Variants in MLXIP observed in about 807,000 individuals in gnomAD.
MLXIP encodes MLX-interacting protein.
MLXIP carries 30 observed loss-of-function variants against 87.2 expected under a neutral mutation model. The observed-to-expected ratio is 0.34, with a 90% confidence interval of 0.26 to 0.47. The LOEUF is 0.47. Ranked by LOEUF, MLXIP falls within the 20% of genes least tolerant of loss-of-function variation. MLXIP has a pLI of 1.00. For missense variants in MLXIP, 1,002 were observed against 1,240.1 expected (o/e 0.81, Z 2.88); for synonymous variants, 530 against 514.0 (o/e 1.03, Z -0.42).
At chr12:122,139,345 C>A (rs1025010470) in intron 15 of MLXIP, among the ~76,000 whole-genome samples, 4 of 152,156 alleles carry the variant, frequency 2.6e-5, no homozygotes, top group Admixed American at 2.6e-4. Context: ...ACCAGGACTC[C>A]CTCCACTGAG....
rs892607574 is a variant in MLXIP at position 122,142,421 on chromosome 12, T to C, written c.*609T>C. ...TTCTTCAGAGGTCCTCCAGGACACATGTGTGCAGAAACGGTGGATGTGGAA... is the reference window on the plus strand; with the variant it reads ...TTCTTCAGAGGTCCTCCAGGACACACGTGTGCAGAAACGGTGGATGTGGAA... On this transcript the variant is annotated 3_prime_UTR_variant, in exon 17 of 17. Coordinates refer to ENST00000319080, the MANE Select transcript of MLXIP (RefSeq NM_014938.6). 8 of 443,530 alleles carry C rather than the reference T, an allele frequency of 1.8e-5. No individual in the cohort carries two copies. The highest frequency in any genetic ancestry group is 3.1e-5 in the Non-Finnish European group (7 of 226,042). The allele number at this position is 443,530 out of a possible 1,614,324, so 27.5% of individuals were successfully genotyped here. A position where few individuals can be genotyped will look rare whatever the true frequency, so the allele number is the denominator to read the frequency against.
chr12:122,123,404 G>A (rs12368309), intron 1 of MLXIP, among the ~76,000 whole-genome samples: 13,865 of 152,164 alleles, frequency 0.091, 814 homozygotes, highest in Admixed American at 0.16. Context: ...AGATATTACC[G>A]AAACTCGGGG....
chr12:122,110,170 G>A (rs1386810974), intron 1 of MLXIP, among the ~76,000 whole-genome samples: 2 of 152,172 alleles, frequency 1.3e-5, no homozygotes, highest in Non-Finnish European at 2.9e-5. Flanking sequence ...TTTAGGTTTA[G>A]GGTCAGGTAC....
chr12:122,088,538 G>A (rs1216636270), intron 1 of MLXIP, among the ~76,000 whole-genome samples: 1 of 152,186 alleles, frequency 6.6e-6, no homozygotes, highest in African/African-American at 2.4e-5. Flanking sequence ...TGGTGAGGAG[G>A]AAAGGCTGAG....
At chr12:122,115,588 C>CAAAAAAAAAAAAAAAAAAAA (rs35318582) in intron 1 of MLXIP, among the ~76,000 whole-genome samples, 1 of 110,738 alleles carries the variant, frequency 9.0e-6, no homozygotes, top group African/African-American at 4.2e-5. Context: ...AACTCCTTCT[C>CAAAAAAAAAAAAAAAAAAAA]AAAAAAAAAA....
intron 1 of MLXIP, among the ~76,000 whole-genome samples, chr12:122,104,955 T>C (rs2135932758): frequency 6.6e-6 from 1 of 152,302 alleles, no homozygotes; most frequent in South Asian, 2.1e-4. Context: ...GGCCCAGTTG[T>C]CTTGAAGTCC....
rs1953109118 is a variant in MLXIP, at chr12:122,137,251, C to A, written c.2033-218C>A. On this transcript the variant is annotated intron_variant, in intron 11 of 16. Coordinates refer to ENST00000319080, the MANE Select transcript of MLXIP (RefSeq NM_014938.6). This position sits in a 1 kb window ranked among gnomAD's most constrained non-coding sequence, Gnocchi z 4.1. Reference sequence around the variant, plus strand: ...TCACACAGGGTTGCTCCATCGTGTTCTGTGTGGATTAAGGGTGTTTTTGTT... The same window carrying A: ...TCACACAGGGTTGCTCCATCGTGTTATGTGTGGATTAAGGGTGTTTTTGTT... 2.2e-6 allele frequency: 1 copy of A among 450,572 alleles called. No individual in the cohort carries two copies. The highest frequency in any genetic ancestry group is 2.0e-5 in the African/African-American group (1 of 49,626). 27.9% of individuals were successfully genotyped at this position (450,572 alleles called of 1,614,324 possible). A position where few individuals can be genotyped will look rare whatever the true frequency, so the allele number is the denominator to read the frequency against.
At chr12:122,128,258 G>T in intron 3 of MLXIP, 1 of 344,548 alleles carries the variant, frequency 2.9e-6, no homozygotes, top group Admixed American at 4.3e-5. Flanking sequence ...CACAGGAAGT[G>T]TCTAGAGGAA....
intron 1 of MLXIP, among the ~76,000 whole-genome samples, chr12:122,094,219 T>G (rs1214838200): frequency 1.6e-5 from 2 of 123,214 alleles, no homozygotes; most frequent in African/African-American, 3.4e-5. Flanking sequence ...AGTGTGTGGG[T>G]GTGTGTATGT....
intron 1 of MLXIP, among the ~76,000 whole-genome samples, chr12:122,097,690 C>A (rs1952375600): frequency 6.6e-6 from 1 of 152,112 alleles, no homozygotes. Flanking sequence ...CCACACTGCC[C>A]ACCATCCCCC....
intron 1 of MLXIP, among the ~76,000 whole-genome samples, chr12:122,119,175 CAAACAAAACAAAACA>C (rs146505466): frequency 2.0e-5 from 3 of 151,170 alleles, no homozygotes; most frequent in Non-Finnish European, 3.0e-5. Context: ...CTCAAAAAAA[CAAACAAAACAAAACA>C]AAACAAAACA....
At chr12:122,115,587 T>C (rs28707337) in intron 1 of MLXIP, among the ~76,000 whole-genome samples, 60,271 of 92,744 alleles carry the variant, frequency 0.65, 15,468 homozygotes, top group Middle Eastern at 0.72. Flanking sequence ...AAACTCCTTC[T>C]CAAAAAAAAA....
intron 4 of MLXIP, 58 bp downstream of exon 4, chr12:122,129,284 G>C: frequency 6.9e-7 from 1 of 1,455,642 alleles, no homozygotes. Flanking sequence ...AGAGTCCCTG[G>C]TTCAGGGCCC....
chr12:122,139,780 C>A (rs1953164429), intron 15 of MLXIP, among the ~76,000 whole-genome samples: 1 of 152,184 alleles, frequency 6.6e-6, no homozygotes, highest in South Asian at 2.1e-4. Context: ...CTCAAGTGTT[C>A]CTCCTGCCTC....
intron 1 of MLXIP, among the ~76,000 whole-genome samples, chr12:122,103,182 T>G (rs1377688304): frequency 3.9e-5 from 2 of 51,508 alleles, no homozygotes; most frequent in African/African-American, 2.1e-4. Context: ...TTTATATGTA[T>G]GTATGTATGT....
intron 1 of MLXIP, among the ~76,000 whole-genome samples, chr12:122,102,624 A>G (rs1013055737): frequency 6.6e-6 from 1 of 152,262 alleles, no homozygotes; most frequent in Admixed American, 6.5e-5. Flanking sequence ...TCACAGAAGT[A>G]TTAATCATAA....
intron 1 of MLXIP, among the ~76,000 whole-genome samples, chr12:122,126,845 G>A (rs1355773323): frequency 6.6e-6 from 1 of 152,200 alleles, no homozygotes; most frequent in African/African-American, 2.4e-5. Flanking sequence ...AAGGGAGGCT[G>A]GTCAAATGTG....
intron 1 of MLXIP, among the ~76,000 whole-genome samples, chr12:122,110,933 C>T (rs977222919): frequency 2.6e-5 from 4 of 151,516 alleles, no homozygotes; most frequent in South Asian, 2.1e-4. Context: ...AAAAATTAGC[C>T]GGGCGTGGTG....
intron 6 of MLXIP, 93 bp from the exon 7 acceptor site, chr12:122,130,751 G>A: frequency 5.8e-6 from 5 of 867,118 alleles, no homozygotes; most frequent in Non-Finnish European, 7.8e-6. Context: ...TGGGATGTGA[G>A]CAGGGCCAGG....
Sources: gnomAD v4.1 joint callset for allele counts (sites outside exome capture counted in the v4.1 genomes callset) on GRCh38, gnomAD v4.1.1 for gene constraint, Gnocchi (gnomAD v3.1) non-coding constraint, MANE v1.5 for transcripts, NCBI Gene and HGNC (gene_info 2026-07-23, HGNC 2026-07-21) for gene names.